The following NAV2 variants were observed in gnomAD, a reference collection of about 807,000 sequenced individuals.
The protein encoded by NAV2 is helicase, APC down-regulated 1.
In NAV2, 54 loss-of-function variants were observed where a neutral mutation model predicts 223.2. The ratio of observed to expected loss-of-function variants is 0.24; its 90% confidence interval spans 0.19 to 0.30. NAV2 has a LOEUF of 0.30. Among genes scored for constraint, NAV2 ranks in the 10% least tolerant of loss-of-function variants. The pLI is 1.00. For missense variants in NAV2, 2,806 were observed against 3,147.5 expected (o/e 0.89, Z 2.60); for synonymous variants, 1,279 against 1,239.3 (o/e 1.03, Z -0.67).
chr11:20,054,139 A>T lies in NAV2; in HGVS notation c.4541A>T (p.His1514Leu). ...GATGCAAAAGAATGGTTACGGTCCC[A>T]TTCTGCAGGAGGCCTTCAGGACACC... ...QEDAKEWLRS[H>L]SAGGLQDTAA... is the part of the protein sequence containing the mutation. Residue 1514 changes from histidine to leucine, a missense_variant, in exon 18 of 38, where the codon CAT (histidine) becomes CTT (leucine). By Grantham distance (99) the His-to-Leu change is moderately conservative. Around this residue, in one of 4 missense-constraint regions of NAV2, gnomAD observed 742 missense variants for 777.9 expected, o/e 0.95. Coordinates refer to ENST00000349880, the MANE Select transcript of NAV2 (RefSeq NM_145117.5). 6.2e-7 allele frequency: 1 copy of T among 1,613,814 alleles called. No individual in the cohort carries two copies. Among genetic ancestry groups the T allele is most frequent in the Non-Finnish European group, 8.5e-7 (1 of 1,179,956 alleles).
At chr11:19,983,281 A>G (rs1360892370) in intron 10 of NAV2, among the ~76,000 whole-genome samples, 1 of 152,156 alleles carries the variant, frequency 6.6e-6, no homozygotes, top group Non-Finnish European at 1.5e-5. Flanking sequence ...GTTGGTAGAC[A>G]ATCAGCCATC....
At chr11:19,903,359 A>G (rs2042604755) in intron 6 of NAV2, among the ~76,000 whole-genome samples, 1 of 152,102 alleles carries the variant, frequency 6.6e-6, no homozygotes, top group Non-Finnish European at 1.5e-5. Context: ...TCACATTCTT[A>G]GTGTCCTAGG....
At chr11:19,408,875 C>T (rs779952839) in intron 1 of NAV2, among the ~76,000 whole-genome samples, 6 of 151,952 alleles carry the variant, frequency 3.9e-5, no homozygotes, top group Non-Finnish European at 7.4e-5. Flanking sequence ...CCCCCGAGAA[C>T]TCGGGAGTCC....
chr11:19,365,079 A>T (rs922609283), intron 1 of NAV2, among the ~76,000 whole-genome samples: 5 of 152,356 alleles, frequency 3.3e-5, no homozygotes, highest in Non-Finnish European at 7.3e-5. Flanking sequence ...AGATATGCTT[A>T]GAGCCCAAGT....
chr11:19,478,182 A>G (rs55991911), intron 1 of NAV2, among the ~76,000 whole-genome samples: 16 of 152,360 alleles, frequency 1.1e-4, no homozygotes, highest in African/African-American at 3.4e-4. Context: ...AGTAGGTCAC[A>G]GGAACAAGAC....
At chr11:19,730,791 T>G (rs2051703992) in intron 1 of NAV2, among the ~76,000 whole-genome samples, 1 of 151,770 alleles carries the variant, frequency 6.6e-6, no homozygotes, top group Non-Finnish European at 1.5e-5. Flanking sequence ...CCCTTGGTCC[T>G]CAGGGGCATT....
At chr11:19,678,158 G>A (rs571073162) in intron 1 of NAV2, among the ~76,000 whole-genome samples, 30 of 152,294 alleles carry the variant, frequency 2.0e-4, no homozygotes, top group Admixed American at 1.0e-3. Flanking sequence ...CTTGGAGAGC[G>A]CCCAAGATAA....
At chr11:19,824,775 G>C (rs1344561584) in intron 1 of NAV2, among the ~76,000 whole-genome samples, 1 of 152,186 alleles carries the variant, frequency 6.6e-6, no homozygotes, top group Non-Finnish European at 1.5e-5. Context: ...CATACTCCTT[G>C]CTAGATGCTG....
intron 1 of NAV2, among the ~76,000 whole-genome samples, chr11:19,482,281 TG>T (rs2042303929): frequency 6.6e-6 from 1 of 152,196 alleles, no homozygotes; most frequent in African/African-American, 2.4e-5. Context: ...CAGGATCAAC[TG>T]CAAGATGAAT....
At position 19,392,089 on chromosome 11, in the gene NAV2, A is replaced by C. The variant is rs145174086; in HGVS notation, c.75+41062A>C. Among the ~76,000 whole-genome samples the C allele has an allele frequency of 1.4e-3, 216 of 152,378 alleles. 3 individuals carry two copies. The highest frequency in any genetic ancestry group is 5.1e-3 in the African/African-American group (213 of 41,596). ...GGTTTCTAGGAACCAAGGATTAATCAGACTCTCCTTTTACTTTGATGATGG... is the reference window on the plus strand; with the variant it reads ...GGTTTCTAGGAACCAAGGATTAATCCGACTCTCCTTTTACTTTGATGATGG... On this transcript the variant is annotated intron_variant, in intron 1 of 37. Transcript: ENST00000360655.
intron 1 of NAV2, among the ~76,000 whole-genome samples, chr11:19,751,530 G>A (rs1215299963): frequency 6.6e-6 from 1 of 152,092 alleles, no homozygotes; most frequent in Non-Finnish European, 1.5e-5. Context: ...AGTTTTTCAA[G>A]CATGCTCCCA....
chr11:19,827,482 T>A (rs1273144886), intron 1 of NAV2, among the ~76,000 whole-genome samples: 2 of 152,210 alleles, frequency 1.3e-5, no homozygotes, highest in Non-Finnish European at 2.9e-5. Flanking sequence ...CCTTATAATA[T>A]GTTTGATATA....
chr11:20,105,866 A>T, intron 35 of NAV2, 139 bp downstream of exon 35: 1 of 682,156 alleles, frequency 1.5e-6, no homozygotes, highest in Non-Finnish European at 2.4e-6. Context: ...GGGCAGAGGG[A>T]CAGTCACAGA....
At chr11:19,492,034 T>A (rs1344411071) in intron 1 of NAV2, among the ~76,000 whole-genome samples, 1 of 152,084 alleles carries the variant, frequency 6.6e-6, no homozygotes, top group Non-Finnish European at 1.5e-5. Context: ...AAAACATATA[T>A]AACATTTATT....
At chr11:19,739,349 A>G (rs915110009) in intron 1 of NAV2, among the ~76,000 whole-genome samples, 43 of 152,114 alleles carry the variant, frequency 2.8e-4, no homozygotes, top group African/African-American at 9.7e-4. Context: ...GAGCATTCTC[A>G]TTTTATTTGC....
intron 1 of NAV2, among the ~76,000 whole-genome samples, chr11:19,555,571 A>G (rs1325466922): frequency 6.6e-6 from 1 of 152,214 alleles, no homozygotes; most frequent in African/African-American, 2.4e-5. Flanking sequence ...TTGAAGGTCA[A>G]TGTTCAAGTT....
At chr11:19,378,146 A>G (rs1848705611) in intron 1 of NAV2, among the ~76,000 whole-genome samples, 1 of 152,164 alleles carries the variant, frequency 6.6e-6, no homozygotes, top group African/African-American at 2.4e-5. Flanking sequence ...AGTGATGCGT[A>G]CCGCAAACAC....
intron 25 of NAV2, among the ~76,000 whole-genome samples, 198 bp downstream of exon 25, chr11:20,080,407 C>T (rs903554130): frequency 6.6e-6 from 1 of 152,210 alleles, no homozygotes; most frequent in African/African-American, 2.4e-5. Context: ...GAATCTGTAA[C>T]ATCCCTACCA....
At chr11:19,714,127 G>A (rs1257806571) in intron 1 of NAV2, 165 bp downstream of exon 1, 3 of 1,066,480 alleles carry the variant, frequency 2.8e-6, no homozygotes, top group African/African-American at 1.6e-5. Flanking sequence ...GAGGAGAGTG[G>A]GCCGGCCGGT....
Sources: gnomAD v4.1 joint callset for allele counts (sites outside exome capture counted in the v4.1 genomes callset) on GRCh38, gnomAD v4.1.1 for gene constraint, gnomAD v4.1.1 regional missense constraint, MANE v1.5 for transcripts, NCBI Gene and HGNC (gene_info 2026-07-23, HGNC 2026-07-21) for gene names.